Variants in SEMA5B observed in about 807,000 individuals in gnomAD.
SEMA5B encodes semaphorin 5B.
In SEMA5B, 66 loss-of-function variants were observed where a neutral mutation model predicts 135.0. The ratio of observed to expected loss-of-function variants is 0.49; its 90% confidence interval spans 0.40 to 0.60. The LOEUF (loss-of-function observed/expected upper bound fraction) is 0.60. SEMA5B is among the 20% of genes least tolerant of loss of function. SEMA5B has a pLI of 0.00. For missense variants in SEMA5B, 1,501 were observed against 1,566.3 expected (o/e 0.96, Z 0.70); for synonymous variants, 690 against 639.5 (o/e 1.08, Z -1.19).
chr3:123,014,775 C>T (rs1445137009), intron 1 of SEMA5B, among the ~76,000 whole-genome samples: 1 of 152,118 alleles, frequency 6.6e-6, no homozygotes. Flanking sequence ...AATGTAGTCT[C>T]GAAACAGGAG....
chr3:122,919,150 G>T lies in SEMA5B; in HGVS notation c.1688+2765C>A, dbSNP rs1441021750. ...ACTGTGGTGTAGTAGTCTCACAGTGGGAGCTGTCCAGGGTGGAAAAGGTAT... is the reference window on the plus strand; with the variant it reads ...ACTGTGGTGTAGTAGTCTCACAGTGTGAGCTGTCCAGGGTGGAAAAGGTAT... On this transcript the variant is annotated intron_variant, in intron 12 of 22. Transcript: ENST00000357599. Among the ~76,000 whole-genome samples, 10 of 152,106 alleles carry T rather than the reference G, an allele frequency of 6.6e-5. No homozygotes were observed. The East Asian group carries it at 1.5e-3, about 24-fold the overall frequency.
chr3:122,970,256 A>G (rs1169768241), intron 1 of SEMA5B, among the ~76,000 whole-genome samples: 1 of 152,252 alleles, frequency 6.6e-6, no homozygotes, highest in African/African-American at 2.4e-5. Flanking sequence ...AGCTGATGAC[A>G]GAGGCCAAAC....
chr3:122,961,085 C>T lies in SEMA5B; in HGVS notation c.124+55G>A, dbSNP rs1940553281. The T allele has an allele frequency of 3.3e-6, 5 of 1,517,456 alleles. No individual in the cohort carries two copies. In the East Asian group the frequency reaches 1.2e-4, roughly 35 times the overall value. The allele number at this position is 1,517,456 out of a possible 1,614,324, so 94.0% of individuals were successfully genotyped here. On this transcript the variant is annotated intron_variant, in intron 2 of 22. Transcript: ENST00000357599. ...CAGATGAGGGGGTCTTCTCCCTGCT[C>T]TCCCCTCAGTCTGGTACCTGCTGCA...
At chr3:122,911,263 G>C in intron 21 of SEMA5B, 3 of 1,297,352 alleles carry the variant, frequency 2.3e-6, no homozygotes, top group Non-Finnish European at 1.0e-6. Context: ...GGCAACCAGA[G>C]GGTCTAGAGT....
At chr3:122,911,623 T>C in intron 20 of SEMA5B, 88 bp from the exon 21 acceptor site, 1 of 1,359,740 alleles carries the variant, frequency 7.4e-7, no homozygotes, top group Non-Finnish European at 1.0e-6. Flanking sequence ...GGAGGACCTC[T>C]AGGTCAACGC....
intron 2 of SEMA5B, among the ~76,000 whole-genome samples, chr3:122,956,633 A>G (rs951688930): frequency 6.6e-6 from 1 of 152,100 alleles, no homozygotes; most frequent in African/African-American, 2.4e-5. Flanking sequence ...AGCGCAAACC[A>G]GTCTCCCAAC....
chr3:122,936,723 C>T (rs1264916799), intron 5 of SEMA5B, among the ~76,000 whole-genome samples: 1 of 152,180 alleles, frequency 6.6e-6, no homozygotes, highest in Non-Finnish European at 1.5e-5. Flanking sequence ...TTCCCAGTAC[C>T]AGTTTATTAA....
chr3:122,974,492 A>G, intron 1 of SEMA5B, among the ~76,000 whole-genome samples: 1 of 152,216 alleles, frequency 6.6e-6, no homozygotes, highest in East Asian at 1.9e-4. Context: ...CTGAGCACCT[A>G]CAAGGCAGCT....
intron 1 of SEMA5B, among the ~76,000 whole-genome samples, chr3:122,976,609 G>A (rs1426281861): frequency 6.6e-6 from 1 of 152,090 alleles, no homozygotes; most frequent in Non-Finnish European, 1.5e-5. Context: ...CTGTATACCC[G>A]CCATCTAGAT....
intron 1 of SEMA5B, among the ~76,000 whole-genome samples, chr3:123,025,761 G>A (rs544793873): frequency 6.6e-6 from 1 of 152,328 alleles, no homozygotes; most frequent in East Asian, 1.9e-4. Flanking sequence ...GCCCAGAACA[G>A]TTCTCACCGC....
In SEMA5B at chr3:122,926,895, G is replaced by T. The variant is rs115208826; in HGVS notation, c.851-218C>A. ...CATGTGTTACCGCCCACCTCTCACT[G>T]GGTGCCAGACACCATCCTAAGTACT... On this transcript the variant is annotated intron_variant, in intron 8 of 22. Coordinates refer to ENST00000357599, the MANE Select transcript of SEMA5B (RefSeq NM_001031702.4). Among the ~76,000 whole-genome samples the T allele has an allele frequency of 6.0e-3, 915 of 152,274 alleles. 6 individuals are homozygous for T. The highest frequency in any genetic ancestry group is 0.021 in the African/African-American group (877 of 41,546).
intron 12 of SEMA5B, among the ~76,000 whole-genome samples, chr3:122,919,956 C>T (rs1209359853): frequency 6.6e-6 from 1 of 152,196 alleles, no homozygotes; most frequent in African/African-American, 2.4e-5. Context: ...GCCTCCCTAG[C>T]ACACCCCACT....
chr3:122,980,963 G>T (rs918416108), intron 1 of SEMA5B, among the ~76,000 whole-genome samples: 4 of 152,222 alleles, frequency 2.6e-5, no homozygotes, highest in Non-Finnish European at 5.9e-5. Flanking sequence ...TGTCTTCAGG[G>T]TTTATCCACG....
Position 122,932,135 on chromosome 3 carries a change from T to G in SEMA5B, c.475-3077A>C, listed in dbSNP as rs77048828. ...CCTTTTTTGAACAATGTTTTGGTTT[T>G]CTTGGACTGAATAATTGTCTTGATT... On this transcript the variant is annotated intron_variant, in intron 5 of 22. Coordinates refer to ENST00000357599, the MANE Select transcript of SEMA5B (RefSeq NM_001031702.4). Among the ~76,000 whole-genome samples the G allele has an allele frequency of 3.9e-3, 590 of 152,340 alleles. 3 individuals are homozygous for G. The highest frequency in any genetic ancestry group is 0.014 in the African/African-American group (573 of 41,582).
Position 122,921,939 on chromosome 3 carries a change from C to G in SEMA5B, c.1664G>C (p.Arg555Thr). ...RDGVLRVPLE[R>T]CAAYRSQGAC... The stretch of plus-strand genomic sequence containing the variant: ...CCCCTGGCTGCGGTAGGCGGCGCAC[C>G]TCTCCAGTGGGACCCGCAGGACGCC... The change falls in exon 12 of 23, where the codon AGG becomes ACG. Residue 555 changes from arginine to threonine, a missense_variant. Coordinates refer to ENST00000357599, the MANE Select transcript of SEMA5B (RefSeq NM_001031702.4). 1 of 1,534,992 alleles carries G rather than the reference C, an allele frequency of 6.5e-7. No individual in the cohort carries two copies. The highest frequency in any genetic ancestry group is 8.7e-7 in the Non-Finnish European group (1 of 1,145,566).
intron 1 of SEMA5B, among the ~76,000 whole-genome samples, chr3:123,020,209 A>C (rs961809001): frequency 6.6e-6 from 1 of 152,212 alleles, no homozygotes; most frequent in African/African-American, 2.4e-5. Context: ...GGGGTTTGTT[A>C]AATAAATTAT....
chr3:122,954,347 C>T (rs1940186775), intron 2 of SEMA5B, among the ~76,000 whole-genome samples: 1 of 152,250 alleles, frequency 6.6e-6, no homozygotes, highest in Non-Finnish European at 1.5e-5. Context: ...GGTTTAAATA[C>T]ATTCTACTTC....
At chr3:122,918,921 A>G (rs557462692) in intron 12 of SEMA5B, among the ~76,000 whole-genome samples, 1 of 149,626 alleles carries the variant, frequency 6.7e-6, no homozygotes, top group East Asian at 2.0e-4. Context: ...TGTGTCTCTG[A>G]CTGTGGAAAT....
intron 1 of SEMA5B, among the ~76,000 whole-genome samples, chr3:123,026,550 G>T (rs1285512421): frequency 6.6e-6 from 1 of 152,164 alleles, no homozygotes; most frequent in Non-Finnish European, 1.5e-5. Flanking sequence ...GTTGGGCCGG[G>T]TTTTCTCGAG....
Sources: allele counts gnomAD v4.1 joint callset (sites outside exome capture counted in the v4.1 genomes callset), GRCh38; gene constraint gnomAD v4.1.1; transcripts MANE v1.5; gene names NCBI Gene and HGNC (gene_info 2026-07-23, HGNC 2026-07-21).